Variants in NFIB observed in about 807,000 individuals in gnomAD.
NFIB encodes nuclear factor 1 B-type.
NFIB carries 11 observed loss-of-function variants against 61.5 expected under a neutral mutation model. That is an observed-to-expected ratio of 0.18 (90% CI 0.11 to 0.30). The LOEUF (loss-of-function observed/expected upper bound fraction) is 0.30, where lower values mean the gene tolerates loss of function less well. NFIB is among the 10% of genes least tolerant of loss of function. The probability of loss-of-function intolerance (pLI) is 1.00; values close to 1 mark genes in which losing one functional copy is unlikely to be tolerated. For missense variants in NFIB, 471 were observed against 608.9 expected (o/e 0.77, Z 2.38); for synonymous variants, 260 against 216.5 (o/e 1.20, Z -1.76).
intron 1 of NFIB, among the ~76,000 whole-genome samples, chr9:14,391,109 A>G (rs2061614163): frequency 6.6e-6 from 1 of 152,248 alleles, no homozygotes; most frequent in Non-Finnish European, 1.5e-5. Context: ...GGCTGTGCTT[A>G]GACATTTTCT....
the NFIB span, among the ~76,000 whole-genome samples, chr9:14,499,275 T>G: frequency 6.6e-6 from 1 of 152,114 alleles, no homozygotes; most frequent in East Asian, 1.9e-4. Flanking sequence ...CTGAAAGGCT[T>G]GGGAATGAAG....
intron 3 of NFIB, among the ~76,000 whole-genome samples, chr9:14,162,154 T>C (rs1360288677): frequency 1.3e-5 from 2 of 152,062 alleles, no homozygotes; most frequent in East Asian, 1.9e-4. Context: ...ATATATAAAA[T>C]AGAAATTGTG....
At chr9:14,254,753 T>C (rs569569851) in intron 2 of NFIB, among the ~76,000 whole-genome samples, 2 of 152,312 alleles carry the variant, frequency 1.3e-5, no homozygotes, top group East Asian at 3.9e-4. Flanking sequence ...TACCTCTTTA[T>C]TTGAATAAGA....
chr9:14,419,581 C>T, the NFIB span, among the ~76,000 whole-genome samples: 4 of 152,322 alleles, frequency 2.6e-5, no homozygotes, highest in East Asian at 7.7e-4. Flanking sequence ...AGCCCTGTTA[C>T]GTTACGTAGC....
chr9:14,513,565 G>A, the NFIB span, among the ~76,000 whole-genome samples: 3 of 149,692 alleles, frequency 2.0e-5, no homozygotes, highest in Admixed American at 1.3e-4. Flanking sequence ...GAGCCGGAGG[G>A]TGCAGTGAGC....
At chr9:14,359,439 A>G (rs1280647216) in intron 1 of NFIB, among the ~76,000 whole-genome samples, 2 of 152,234 alleles carry the variant, frequency 1.3e-5, no homozygotes, top group Non-Finnish European at 2.9e-5. Context: ...GATTGCAGTG[A>G]TGTGGCCGGA....
At chr9:14,325,670 A>C (rs1245364846) in intron 1 of NFIB, among the ~76,000 whole-genome samples, 1 of 152,090 alleles carries the variant, frequency 6.6e-6, no homozygotes, top group Non-Finnish European at 1.5e-5. Flanking sequence ...TTATATTATT[A>C]AAGGGTACAC....
At chr9:14,160,831 CAAAAAAAAA>C (rs36063048) in intron 3 of NFIB, among the ~76,000 whole-genome samples, 5 of 96,336 alleles carry the variant, frequency 5.2e-5, no homozygotes, top group African/African-American at 1.2e-4. Flanking sequence ...AAGGAAATCT[CAAAAAAAAA>C]AAAAAAAAAA....
intron 2 of NFIB, among the ~76,000 whole-genome samples, chr9:14,193,711 T>C (rs2048193135): frequency 6.6e-6 from 1 of 152,202 alleles, no homozygotes; most frequent in Non-Finnish European, 1.5e-5. Flanking sequence ...CAGGGATATA[T>C]ATGAACTCAC....
chr9:14,531,453 T>G, the NFIB span, among the ~76,000 whole-genome samples: 3 of 152,106 alleles, frequency 2.0e-5, no homozygotes, highest in African/African-American at 7.2e-5. Flanking sequence ...GATTCCAAAT[T>G]AAGGCAAAGC....
At chr9:14,470,655 G>A in the NFIB span, among the ~76,000 whole-genome samples, 1 of 152,132 alleles carries the variant, frequency 6.6e-6, no homozygotes, top group Non-Finnish European at 1.5e-5. Context: ...CACGCAGGCA[G>A]GCAATGATTA....
intron 1 of NFIB, among the ~76,000 whole-genome samples, chr9:14,351,339 G>A (rs1420487648): frequency 6.6e-6 from 1 of 152,160 alleles, no homozygotes; most frequent in Non-Finnish European, 1.5e-5. Flanking sequence ...GCCTAGGGAG[G>A]CCTGGTCTCA....
the NFIB span, among the ~76,000 whole-genome samples, chr9:14,497,968 C>G: frequency 2.0e-5 from 3 of 152,222 alleles, no homozygotes; most frequent in Non-Finnish European, 4.4e-5. Flanking sequence ...TGTCTGCACT[C>G]CTGGATCTAA....
Position 14,398,569 on chromosome 9 carries a change from G to A in NFIB, c.63C>T (p.Asn21=). 5 of 1,535,154 alleles carry A rather than the reference G, an allele frequency of 3.3e-6. No homozygotes were observed. The South Asian group carries it at 6.0e-5, about 18-fold the overall frequency. Reference sequence around the variant, plus strand: ...TTGACATTCTTTTAGGAATCCCAGGGTTACATTTCAGAACTGCACAGCAGA... The same window carrying A: ...TTGACATTCTTTTAGGAATCCCAGGATTACATTTCAGAACTGCACAGCAGA... Residue 21 remains asparagine (N), a synonymous_variant, in exon 1 of 9, where the codon AAC becomes AAT. Coordinates refer to the NFIB transcript ENST00000380934.
At chr9:14,122,908 G>C (rs1368407491) in intron 7 of NFIB, among the ~76,000 whole-genome samples, 1 of 152,066 alleles carries the variant, frequency 6.6e-6, no homozygotes, top group Non-Finnish European at 1.5e-5. Flanking sequence ...CAAACTGAGA[G>C]TAAAAATGAC....
chr9:14,342,507 A>G (rs558095666), intron 1 of NFIB, among the ~76,000 whole-genome samples: 1 of 152,272 alleles, frequency 6.6e-6, no homozygotes, highest in Non-Finnish European at 1.5e-5. Context: ...AAGAGAAAAA[A>G]GAAATAGGGA....
intron 3 of NFIB, among the ~76,000 whole-genome samples, chr9:14,175,163 A>ATTTTTTTTTTTTTTTTTT (rs375736787): frequency 2.0e-5 from 2 of 102,106 alleles, no homozygotes; most frequent in Non-Finnish European, 3.8e-5. Flanking sequence ...GACTTAAAGA[A>ATTTTTTTTTTTTTTTTTT]TTTCTTTTTT....
the NFIB span, among the ~76,000 whole-genome samples, chr9:14,508,209 G>C: frequency 2.0e-5 from 3 of 151,876 alleles, no homozygotes; most frequent in Non-Finnish European, 4.4e-5. Context: ...ACATATATGT[G>C]TAAATATGTA....
intron 6 of NFIB, among the ~76,000 whole-genome samples, chr9:14,126,129 G>C (rs116491380): frequency 6.6e-6 from 1 of 152,044 alleles, no homozygotes; most frequent in African/African-American, 2.4e-5. Context: ...ATTGTCTTTC[G>C]ACAGAGGATA....
Sources: gnomAD v4.1 joint callset for allele counts (sites outside exome capture counted in the v4.1 genomes callset) on GRCh38, gnomAD v4.1.1 for gene constraint, MANE v1.5 for transcripts, NCBI Gene and HGNC (gene_info 2026-07-23, HGNC 2026-07-21) for gene names.